The following NRXN1 variants were observed in gnomAD, a reference collection of about 807,000 sequenced individuals.
The protein encoded by NRXN1 is neurexin 1.
A neutral mutation model predicts 150.9 loss-of-function variants in NRXN1; 39 were observed. The ratio of observed to expected loss-of-function variants is 0.26; its 90% CI spans 0.20 to 0.34. The LOEUF is 0.34. Among genes scored for constraint, NRXN1 ranks in the 10% least tolerant of loss-of-function variants. The probability of loss-of-function intolerance (pLI) is 1.00; values close to 1 mark genes in which losing one functional copy is unlikely to be tolerated. For missense variants in NRXN1, 1,815 were observed against 1,949.9 expected, an observed-to-expected ratio of 0.93 and a Z score of 1.30; for synonymous variants, 924 against 757.0, an observed-to-expected ratio of 1.22 and a Z score of -3.62.
At chr2:49,949,460 CTT>C (rs1673538258) in intron 21 of NRXN1, among the ~76,000 whole-genome samples, 1 of 151,898 alleles carries the variant, frequency 6.6e-6, no homozygotes, top group Non-Finnish European at 1.5e-5. Context: ...CATTCCAAGA[CTT>C]TATTCCTTAT....
At chr2:50,529,679 C>T (rs567986344) in intron 11 of NRXN1, among the ~76,000 whole-genome samples, 18 of 152,310 alleles carry the variant, frequency 1.2e-4, no homozygotes, top group African/African-American at 4.3e-4. Context: ...AGCACCTACA[C>T]ACCTCTTTCT....
At chr2:50,448,287 T>C (rs1475264295) in intron 17 of NRXN1, among the ~76,000 whole-genome samples, 1 of 152,218 alleles carries the variant, frequency 6.6e-6, no homozygotes, top group African/African-American at 2.4e-5. Context: ...CCTAACTTTA[T>C]GTGGATTGCT....
intron 8 of NRXN1, among the ~76,000 whole-genome samples, chr2:50,611,297 T>C (rs1289325213): frequency 2.6e-5 from 4 of 152,128 alleles, no homozygotes; most frequent in African/African-American, 7.2e-5. Context: ...AGCTTGATAT[T>C]TGAAAGCACT....
chr2:50,996,255 G>A (rs1699263543), intron 2 of NRXN1, among the ~76,000 whole-genome samples: 1 of 152,066 alleles, frequency 6.6e-6, no homozygotes, highest in Non-Finnish European at 1.5e-5. Flanking sequence ...ATGCCACAAA[G>A]GTGTACGTAT....
At chr2:50,166,307 G>GTT (rs2059682002) in intron 18 of NRXN1, among the ~76,000 whole-genome samples, 1 of 146,472 alleles carries the variant, frequency 6.8e-6, no homozygotes, top group Non-Finnish European at 1.5e-5. Flanking sequence ...GTGTGTGTGT[G>GTT]TGTGTGTGTG....
intron 17 of NRXN1, among the ~76,000 whole-genome samples, chr2:50,434,187 G>A (rs554664529): frequency 6.6e-6 from 1 of 150,584 alleles, no homozygotes; most frequent in East Asian, 2.0e-4. Context: ...AGCCTCCCAA[G>A]TAGCTGGGAC....
At chr2:50,675,515 A>G (rs909778499) in intron 5 of NRXN1, among the ~76,000 whole-genome samples, 2 of 152,150 alleles carry the variant, frequency 1.3e-5, no homozygotes, top group Admixed American at 1.3e-4. Flanking sequence ...ATTAGGAAGA[A>G]AGAAGCATTT....
intron 5 of NRXN1, among the ~76,000 whole-genome samples, chr2:50,866,801 C>A (rs1048044036): frequency 6.6e-6 from 1 of 151,858 alleles, no homozygotes; most frequent in Admixed American, 6.6e-5. Context: ...TTCCAACCAG[C>A]TACAAGCACA....
At chr2:50,570,019 T>C (rs1173978786) in intron 8 of NRXN1, among the ~76,000 whole-genome samples, 2 of 152,186 alleles carry the variant, frequency 1.3e-5, no homozygotes, top group Non-Finnish European at 2.9e-5. Flanking sequence ...ACGCTGCTCA[T>C]ATACATGTGG....
At chr2:50,744,253 AT>A (rs1227500075) in intron 5 of NRXN1, among the ~76,000 whole-genome samples, 1 of 152,172 alleles carries the variant, frequency 6.6e-6, no homozygotes, top group Non-Finnish European at 1.5e-5. Context: ...TAATATTTTA[AT>A]AATGAAGCTA....
At chr2:49,956,336 T>G (rs969924440) in intron 21 of NRXN1, among the ~76,000 whole-genome samples, 1 of 152,176 alleles carries the variant, frequency 6.6e-6, no homozygotes, top group Non-Finnish European at 1.5e-5. Flanking sequence ...AGCTATCAGC[T>G]GATTAGAAAA....
At chr2:50,559,728 C>A (rs1668772790) in intron 8 of NRXN1, among the ~76,000 whole-genome samples, 1 of 152,044 alleles carries the variant, frequency 6.6e-6, no homozygotes, top group Non-Finnish European at 1.5e-5. Context: ...TATGGTATAT[C>A]TCTCAACAGA....
At chr2:50,431,842 T>G (rs1428446273) in intron 17 of NRXN1, among the ~76,000 whole-genome samples, 1 of 152,124 alleles carries the variant, frequency 6.6e-6, no homozygotes, top group Admixed American at 6.5e-5. Context: ...CTTTTTTTTT[T>G]CTTTTTAAAC....
chr2:50,912,015 C>A (rs979108030), intron 5 of NRXN1, among the ~76,000 whole-genome samples: 19 of 151,680 alleles, frequency 1.3e-4, no homozygotes, highest in African/African-American at 4.6e-4. Context: ...AATAATTATT[C>A]TTTTTATTAT....
intron 1 of NRXN1, among the ~76,000 whole-genome samples, chr2:51,030,570 A>G (rs1218237344): frequency 1.5e-5 from 2 of 131,266 alleles, no homozygotes; most frequent in Admixed American, 7.9e-5. Flanking sequence ...ACACACACAC[A>G]CAGTGTGGGT....
At chr2:50,120,556 T>C (rs534598913) in intron 18 of NRXN1, among the ~76,000 whole-genome samples, 2 of 152,328 alleles carry the variant, frequency 1.3e-5, no homozygotes, top group South Asian at 2.1e-4. Context: ...CGCATCTATC[T>C]ACAACAGGAA....
intron 18 of NRXN1, among the ~76,000 whole-genome samples, chr2:50,171,452 A>G (rs1424539492): frequency 6.6e-6 from 1 of 152,136 alleles, no homozygotes; most frequent in African/African-American, 2.4e-5. Flanking sequence ...TACTGTTTAA[A>G]TAACACTGTT....
At chr2:50,378,561 G>C (rs2080700197) in intron 17 of NRXN1, among the ~76,000 whole-genome samples, 1 of 152,066 alleles carries the variant, frequency 6.6e-6, no homozygotes, top group Admixed American at 6.6e-5. Context: ...GAGAGCCTAT[G>C]AACTGCTTTC....
intron 17 of NRXN1, among the ~76,000 whole-genome samples, chr2:50,365,669 C>T (rs912932373): frequency 6.6e-6 from 1 of 151,946 alleles, no homozygotes; most frequent in African/African-American, 2.4e-5. Flanking sequence ...CTTGAGGTAA[C>T]ATTAGGTGAT....
Sources: gnomAD v4.1 joint callset for allele counts (sites outside exome capture counted in the v4.1 genomes callset) on GRCh38, gnomAD v4.1.1 for gene constraint, MANE v1.5 for transcripts, NCBI Gene and HGNC (gene_info 2026-07-23, HGNC 2026-07-21) for gene names.